The following SAMTOR variants were observed in gnomAD, a reference collection of about 807,000 sequenced individuals.
The protein encoded by SAMTOR is S-adenosylmethionine sensor upstream of mTORC1, also known as UPF0532 protein C7orf60.
At chr7:112,880,073 C>T in the SAMTOR span, among the ~76,000 whole-genome samples, 1 of 152,088 alleles carries the variant, frequency 6.6e-6, no homozygotes, top group East Asian at 1.9e-4. Flanking sequence ...ACTAAGGAAA[C>T]ACATTTACTT....
At chr7:112,835,473 AAAGTTG>A in the SAMTOR span, among the ~76,000 whole-genome samples, 1 of 152,124 alleles carries the variant, frequency 6.6e-6, no homozygotes, top group Non-Finnish European at 1.5e-5. Context: ...TACCCTTAAT[AAAGTTG>A]AAGTTCTTTT....
At chr7:112,881,855 A>G in the SAMTOR span, among the ~76,000 whole-genome samples, 1 of 152,196 alleles carries the variant, frequency 6.6e-6, no homozygotes, top group Non-Finnish European at 1.5e-5. Flanking sequence ...GACCCACCCA[A>G]TGACAGGACT....
the SAMTOR span, among the ~76,000 whole-genome samples, chr7:112,900,610 T>C: frequency 6.6e-6 from 1 of 152,038 alleles, no homozygotes; most frequent in Admixed American, 6.5e-5. Flanking sequence ...AAAAACAAAC[T>C]GAAGGACTAC....
At chr7:112,939,363 T>C in the SAMTOR span, 1 of 618,794 alleles carries the variant, frequency 1.6e-6, no homozygotes, top group Non-Finnish European at 2.8e-6. Context: ...CTCAATTCCT[T>C]TACAGGCCTA....
At chr7:112,832,697 G>A in the SAMTOR span, 1 of 1,392,736 alleles carries the variant, frequency 7.2e-7, no homozygotes, top group Non-Finnish European at 1.0e-6. Context: ...TATTTTATAA[G>A]AACAAAATCA....
chr7:112,827,935 A>G, the SAMTOR span, among the ~76,000 whole-genome samples: 1 of 152,026 alleles, frequency 6.6e-6, no homozygotes, highest in South Asian at 2.1e-4. Context: ...GGCTGGTCTC[A>G]AGCTCCTGGG....
At chr7:112,925,332 T>G in the SAMTOR span, among the ~76,000 whole-genome samples, 1 of 152,254 alleles carries the variant, frequency 6.6e-6, no homozygotes, top group Non-Finnish European at 1.5e-5. Context: ...CTTTTAAGTT[T>G]CACTGCCCTA....
chr7:112,898,740 A>G, the SAMTOR span, among the ~76,000 whole-genome samples: 2 of 152,178 alleles, frequency 1.3e-5, no homozygotes, highest in African/African-American at 4.8e-5. Flanking sequence ...TCAGACCAGC[A>G]TAAACAGACA....
chr7:112,861,839 C>A, the SAMTOR span, among the ~76,000 whole-genome samples: 1 of 152,094 alleles, frequency 6.6e-6, no homozygotes, highest in Non-Finnish European at 1.5e-5. Flanking sequence ...ATAGTCTACT[C>A]CCTAACATTT....
the SAMTOR span, among the ~76,000 whole-genome samples, chr7:112,902,432 AAAAAAAC>A: frequency 1.4e-4 from 15 of 110,964 alleles, 1 homozygote; most frequent in African/African-American, 3.7e-4. Context: ...AAAAAAACAA[AAAAAAAC>A]AAAAAAAAAC....
At chr7:112,845,077 T>C in the SAMTOR span, among the ~76,000 whole-genome samples, 2 of 152,100 alleles carry the variant, frequency 1.3e-5, no homozygotes, top group Non-Finnish European at 2.9e-5. Flanking sequence ...TGACACCATA[T>C]ACAAAAATCA....
At chr7:112,935,186 CT>C in the SAMTOR span, 1 of 430,966 alleles carries the variant, frequency 2.3e-6, no homozygotes, top group African/African-American at 2.1e-5. Flanking sequence ...CAAAACCTCA[CT>C]TGAGAAAAGA....
chr7:112,891,420 C>T, the SAMTOR span, among the ~76,000 whole-genome samples: 1 of 152,162 alleles, frequency 6.6e-6, no homozygotes, highest in Non-Finnish European at 1.5e-5. Context: ...TTGTTATTAT[C>T]TATAGTTTTG....
chr7:112,862,493 G>C, the SAMTOR span, among the ~76,000 whole-genome samples: 1 of 152,152 alleles, frequency 6.6e-6, no homozygotes, highest in Non-Finnish European at 1.5e-5. Context: ...TATATACAAG[G>C]CTACTGGTGC....
the SAMTOR span, among the ~76,000 whole-genome samples, chr7:112,856,684 T>C: frequency 6.6e-6 from 1 of 152,216 alleles, no homozygotes; most frequent in African/African-American, 2.4e-5. Flanking sequence ...ATTAATATTT[T>C]GATTATCTCA....
At chr7:112,916,759 C>G in the SAMTOR span, among the ~76,000 whole-genome samples, 3 of 152,142 alleles carry the variant, frequency 2.0e-5, no homozygotes, top group African/African-American at 4.8e-5. Flanking sequence ...GCTTTTCCGA[C>G]GGGCTTGGGA....
At chr7:112,903,963 A>T in the SAMTOR span, among the ~76,000 whole-genome samples, 1 of 147,706 alleles carries the variant, frequency 6.8e-6, no homozygotes, top group Non-Finnish European at 1.5e-5. Context: ...TAAATCACTT[A>T]AAAAAAAAAG....
At chr7:112,919,191 C>G in the SAMTOR span, among the ~76,000 whole-genome samples, 26 of 152,166 alleles carry the variant, frequency 1.7e-4, no homozygotes, top group Admixed American at 6.5e-4. Context: ...TGACCACATA[C>G]TTGGAAGTAA....
the SAMTOR span, among the ~76,000 whole-genome samples, chr7:112,921,530 G>C: frequency 6.8e-6 from 1 of 148,042 alleles, no homozygotes; most frequent in African/African-American, 2.5e-5. Flanking sequence ...TCAGGACATA[G>C]GCATGGGCAA....
Sources: gnomAD v4.1 joint callset for allele counts (sites outside exome capture counted in the v4.1 genomes callset) on GRCh38, gnomAD v4.1.1 for gene constraint, MANE v1.5 for transcripts, NCBI Gene and HGNC (gene_info 2026-07-23, HGNC 2026-07-21) for gene names.